EP300: variants seen among roughly 807,000 people sequenced by gnomAD.
The protein encoded by EP300 is histone acetyltransferase p300.
In EP300, 31 loss-of-function variants were observed where a neutral mutation model predicts 264.0. The observed-to-expected ratio is 0.12, with a 90% CI of 0.09 to 0.16. The LOEUF (loss-of-function observed/expected upper bound fraction) is 0.16, where lower values mean the gene tolerates loss of function less well. EP300 is among the 10% of genes least tolerant of loss of function. The probability of loss-of-function intolerance (pLI) is 1.00; values close to 1 mark genes in which losing one functional copy is unlikely to be tolerated. For synonymous variants in EP300, 1,340 were observed against 1,045.4 expected (o/e 1.28, Z -5.44); for missense variants, 2,766 against 3,052.9 (o/e 0.91, Z 2.21).
chr22:41,106,686 G>C (rs2058759717), intron 1 of EP300, among the ~76,000 whole-genome samples: 1 of 152,134 alleles, frequency 6.6e-6, no homozygotes, highest in Admixed American at 6.6e-5. Flanking sequence ...CGCAATCTTG[G>C]CTCACGGCAG....
chr22:41,177,664 G>C lies in EP300; in HGVS notation c.5953G>C (p.Gly1985Arg). The stretch of plus-strand genomic sequence containing the variant: ...CAGTGGGCATTTGGAGCCAGGGATG[G>C]GACCGACAGGGATGCAGCAACAGCC... ...GPSGHLEPGM[G>R]PTGMQQQPPW... The change falls in exon 31 of 31, where the codon GGA becomes CGA. Residue 1985 changes from glycine (G) to arginine (R), a missense_variant. Transcript: ENST00000263253. The C allele has an allele frequency of 6.2e-7, 1 of 1,613,964 alleles. No homozygotes were observed. Among genetic ancestry groups the C allele is most frequent in the Non-Finnish European group, 8.5e-7 (1 of 1,180,034 alleles).
intron 1 of EP300, among the ~76,000 whole-genome samples, chr22:41,110,522 G>A (rs1347971564): frequency 4.0e-5 from 6 of 149,208 alleles, no homozygotes; most frequent in Admixed American, 4.0e-4. Context: ...TGAACACCTG[G>A]CCTCAAGTGA....
At position 41,176,578 on chromosome 22, in the gene EP300, T is replaced by C. The variant is rs368191882; in HGVS notation, c.5061+50T>C. 564 of 1,611,838 alleles carry C rather than the reference T, an allele frequency of 3.5e-4. 15 individuals are homozygous for C. In the South Asian group the frequency reaches 4.8e-3, roughly 14 times the overall value. On this transcript the variant is annotated intron_variant, in intron 30 of 30. Coordinates refer to ENST00000263253, the MANE Select transcript of EP300 (RefSeq NM_001429.4). ...GGAGGTGAGCTCCGCAGGGTTGTTCTGAGGGGCCATGCAGCCACGTATTTT... is the reference window on the plus strand; with the variant it reads ...GGAGGTGAGCTCCGCAGGGTTGTTCCGAGGGGCCATGCAGCCACGTATTTT...
rs796812751 is a variant in EP300, at chr22:41,180,019, T to TA, written c.*1064dup. The TA allele has an allele frequency of 1.7e-5, 4 of 231,576 alleles. No individual in the cohort carries two copies. In the South Asian group the frequency reaches 7.2e-4, roughly 42 times the overall value. 14.3% of individuals were successfully genotyped at this position (231,576 alleles called of 1,614,324 possible). A position where few individuals can be genotyped will look rare whatever the true frequency, so the allele number is the denominator to read the frequency against. ...TAAATATGAACTTTGGATCACTGTA[T>TA]AGACTGTTAAATTTGATTTCTTATT... On this transcript the variant is annotated 3_prime_UTR_variant, in exon 31 of 31. Transcript: ENST00000263253.
chr22:41,129,969 C>T lies in EP300; in HGVS notation c.1248C>T (p.Pro416=), dbSNP rs2145713704. 2 of 1,613,824 alleles carry T rather than the reference C, an allele frequency of 1.2e-6. No individual in the cohort carries two copies. Among genetic ancestry groups the T allele is most frequent in the Non-Finnish European group, 1.7e-6 (2 of 1,179,872 alleles). Residue 416 remains proline (P), a synonymous_variant, in exon 5 of 31, where the codon CCC becomes CCT. Transcript: ENST00000263253. Reference sequence around the variant, plus strand: ...GACATGATTGTCCTGTGTGTCTCCCCCTCAAAAATGCTGGTGATAAGAGAA... The same window carrying T: ...GACATGATTGTCCTGTGTGTCTCCCTCTCAAAAATGCTGGTGATAAGAGAA... The part of the protein sequence containing the change: ...CTRHDCPVCL[P]LKNAGDKRNQ...
intron 2 of EP300, among the ~76,000 whole-genome samples, chr22:41,121,652 G>GCAGTGT (rs2058852682): frequency 6.6e-6 from 1 of 152,200 alleles, no homozygotes; most frequent in South Asian, 2.1e-4. Context: ...AAGGGAACAA[G>GCAGTGT]CAGTGTCAGG....
Position 41,178,203 on chromosome 22 carries a change from G to T in EP300, c.6492G>T (p.Gln2164His). ...CACCCATGGGAGGGATGAGCCCCCAGGCTCAGCAGATGAACATGAACCACA... is the reference window on the plus strand; with the variant it reads ...CACCCATGGGAGGGATGAGCCCCCATGCTCAGCAGATGAACATGAACCACA... The part of the protein sequence containing the change: ...LQPPMGGMSP[Q>H]AQQMNMNHNT... The change falls in exon 31 of 31, where the codon CAG becomes CAT. Residue 2164 changes from glutamine to histidine, a missense_variant. Coordinates refer to ENST00000263253, the MANE Select transcript of EP300 (RefSeq NM_001429.4). 1 of 1,614,138 alleles carries T rather than the reference G, an allele frequency of 6.2e-7. No individual in the cohort carries two copies. The highest frequency in any genetic ancestry group is 1.7e-5 in the Admixed American group (1 of 60,020).
chr22:41,140,038 C>T lies in EP300; in HGVS notation c.1761-102C>T. ...CAGTAAGTAATATATATCACCTTGC[C>T]ATTATTTTTTCTTTTCCTCTATGTG... On this transcript the variant is annotated intron_variant, in intron 8 of 30. Coordinates refer to ENST00000263253, the MANE Select transcript of EP300 (RefSeq NM_001429.4). 3 of 825,774 alleles carry T rather than the reference C, an allele frequency of 3.6e-6. No individual in the cohort carries two copies. In the South Asian group the frequency reaches 4.1e-5, roughly 11 times the overall value. The allele number at this position is 825,774 out of a possible 1,614,324, so 51.2% of individuals were successfully genotyped here.
intron 2 of EP300, among the ~76,000 whole-genome samples, chr22:41,121,526 C>A (rs1170936830): frequency 6.6e-6 from 1 of 152,058 alleles, no homozygotes; most frequent in Non-Finnish European, 1.5e-5. Context: ...GTCACAGTGA[C>A]CAAAAGTGTC....
At chr22:41,149,227 T>A (rs2145736394) in intron 13 of EP300, 52 bp downstream of exon 13, 1 of 1,607,794 alleles carries the variant, frequency 6.2e-7, no homozygotes, top group Non-Finnish European at 8.5e-7. Flanking sequence ...GAAACTTCTC[T>A]TGATGTAGGT....
intron 1 of EP300, among the ~76,000 whole-genome samples, chr22:41,097,502 G>C (rs1484211582): frequency 1.3e-5 from 2 of 152,180 alleles, no homozygotes; most frequent in Admixed American, 1.3e-4. Flanking sequence ...GGTATTTGTA[G>C]GGACATTAAG....
chr22:41,109,445 A>T (rs1241156549), intron 1 of EP300, among the ~76,000 whole-genome samples: 1 of 152,120 alleles, frequency 6.6e-6, no homozygotes, highest in East Asian at 1.9e-4. Context: ...GGTTGTTGAG[A>T]TGAATGAGAA....
chr22:41,121,157 T>C (rs1156844526), intron 2 of EP300, among the ~76,000 whole-genome samples: 1 of 152,200 alleles, frequency 6.6e-6, no homozygotes, highest in Non-Finnish European at 1.5e-5. Context: ...TTTTTCTTTT[T>C]TCTTTTTTTT....
chr22:41,157,112 C>T, intron 17 of EP300, 57 bp from the exon 18 acceptor site: 1 of 1,606,800 alleles, frequency 6.2e-7, no homozygotes. Context: ...GATGATACTC[C>T]ATCTCCCGTA....
chr22:41,140,760 T>C (rs1260957992), intron 9 of EP300, among the ~76,000 whole-genome samples: 3 of 152,148 alleles, frequency 2.0e-5, no homozygotes, highest in Non-Finnish European at 4.4e-5. Flanking sequence ...ATTGCGCTGC[T>C]GGTGACAGAG....
At chr22:41,140,327 C>T in intron 9 of EP300, 70 bp downstream of exon 9, 2 of 1,044,762 alleles carry the variant, frequency 1.9e-6, no homozygotes, top group South Asian at 1.3e-5. Context: ...TCCTCTTTAG[C>T]ATGTACAAGT....
intron 16 of EP300, among the ~76,000 whole-genome samples, chr22:41,152,744 C>G (rs772906722): frequency 8.6e-6 from 1 of 116,026 alleles, no homozygotes; most frequent in Admixed American, 1.0e-4. Flanking sequence ...TTAATAATTT[C>G]TTTCTTTCTT....
chr22:41,176,749 G>A (rs552211337), intron 30 of EP300, 24 bp from the exon 31 acceptor site: 99 of 1,613,690 alleles, frequency 6.1e-5, no homozygotes, highest in East Asian at 4.2e-4. Context: ...GAGAGTTTAC[G>A]TGCACCTCCT....
At chr22:41,148,940 C>T (rs1247097428) in intron 12 of EP300, 98 bp from the exon 13 acceptor site, 3 of 1,554,544 alleles carry the variant, frequency 1.9e-6, no homozygotes, top group Non-Finnish European at 2.6e-6. Flanking sequence ...CTTTTCTCTA[C>T]TTAATAAGCC....
Sources: allele counts gnomAD v4.1 joint callset (sites outside exome capture counted in the v4.1 genomes callset), GRCh38; gene constraint gnomAD v4.1.1; transcripts MANE v1.5; gene names NCBI Gene and HGNC (gene_info 2026-07-23, HGNC 2026-07-21).